Variants in PCDH15 observed in about 807,000 individuals in gnomAD.
PCDH15 encodes protocadherin-15.
In PCDH15, 129 loss-of-function variants were observed where a neutral mutation model predicts 178.5. That is an observed-to-expected ratio of 0.72 (90% CI 0.63 to 0.84). The LOEUF (loss-of-function observed/expected upper bound fraction) is 0.84, where lower values mean the gene tolerates loss of function less well. Among genes scored for constraint, PCDH15 ranks in the 40% least tolerant of loss-of-function variants. The pLI is 0.00. For synonymous variants in PCDH15, 800 were observed against 732.0 expected (o/e 1.09, Z -1.50); for missense variants, 2,230 against 2,099.9 (o/e 1.06, Z -1.21).
At chr10:54,779,467 T>TACAC (rs1950090885) in intron 1 of PCDH15, among the ~76,000 whole-genome samples, 1 of 101,564 alleles carries the variant, frequency 9.8e-6, no homozygotes, top group African/African-American at 3.8e-5. Context: ...TATGTGTGTA[T>TACAC]ATATATACAC....
chr10:55,568,331 C>T (rs534733242), intron 2 of PCDH15, among the ~76,000 whole-genome samples: 9 of 151,928 alleles, frequency 5.9e-5, no homozygotes, highest in East Asian at 5.8e-4. Flanking sequence ...CTCTATTATT[C>T]GACTTATATG....
rs1190357502 is a variant in PCDH15, at chr10:53,858,957, G to C, written c.3718-1694C>G. Among the ~76,000 whole-genome samples, 5 of 152,010 alleles carry C rather than the reference G, an allele frequency of 3.3e-5. No individual in the cohort carries two copies. The East Asian group carries it at 9.6e-4, about 29-fold the overall frequency. On this transcript the variant is annotated intron_variant, in intron 27 of 37. Transcript: ENST00000644397. ...AATTACATGATAAAAATTTCTAGAA[G>C]TATGTATATGAAACTTGCATAACTG... is the stretch of plus-strand genomic sequence containing the variant.
chr10:55,191,026 G>T (rs574298345), intron 1 of PCDH15, among the ~76,000 whole-genome samples: 3 of 151,478 alleles, frequency 2.0e-5, no homozygotes, highest in South Asian at 2.1e-4. Flanking sequence ...AAAATATTTG[G>T]GGTTTTTTAA....
Position 54,782,201 on chromosome 10 carries a change from G to C in PCDH15, c.-29+18724C>G, listed in dbSNP as rs11004574. On this transcript the variant is annotated intron_variant, in intron 1 of 37. Transcript: ENST00000644397. ...ATACAGTGAAAAGGTAAATTTTGAG[G>C]ATGCGATATGACTGCTTGATCTAGT... Among the ~76,000 whole-genome samples, 949 of 152,122 alleles carry C rather than the reference G, an allele frequency of 6.2e-3. 20 individuals carry two copies. The highest frequency in any genetic ancestry group is 0.056 in the East Asian group (286 of 5,138).
chr10:55,177,869 A>ATT (rs146520719), intron 1 of PCDH15, among the ~76,000 whole-genome samples: 2 of 151,910 alleles, frequency 1.3e-5, no homozygotes, highest in South Asian at 2.1e-4. Context: ...TTACAGACGG[A>ATT]TTTTTTTTAT....
At chr10:55,469,542 A>G (rs1839912363) in intron 2 of PCDH15, among the ~76,000 whole-genome samples, 1 of 151,978 alleles carries the variant, frequency 6.6e-6, no homozygotes, top group African/African-American at 2.4e-5. Flanking sequence ...TTATATTGCT[A>G]TTGAATATTA....
intron 1 of PCDH15, among the ~76,000 whole-genome samples, chr10:55,232,415 A>G (rs956645672): frequency 1.3e-5 from 2 of 152,134 alleles, no homozygotes; most frequent in African/African-American, 2.4e-5. Flanking sequence ...TATTGCATAC[A>G]GAATAATATA....
chr10:54,835,934 C>G (rs1162378748), intron 3 of PCDH15, among the ~76,000 whole-genome samples: 1 of 151,958 alleles, frequency 6.6e-6, no homozygotes, highest in East Asian at 1.9e-4. Context: ...AAATTAAATG[C>G]AAACATTCTC....
chr10:54,149,914 C>T (rs2044354746), intron 14 of PCDH15, among the ~76,000 whole-genome samples: 1 of 152,068 alleles, frequency 6.6e-6, no homozygotes, highest in Admixed American at 6.6e-5. Flanking sequence ...AGAGGAGTTG[C>T]TCCAGGTTAT....
At chr10:55,260,744 A>G (rs1172651060) in intron 1 of PCDH15, among the ~76,000 whole-genome samples, 1 of 152,346 alleles carries the variant, frequency 6.6e-6, no homozygotes, top group Non-Finnish European at 1.5e-5. Flanking sequence ...AAGTTAACCC[A>G]AGTTCATCCT....
intron 6 of PCDH15, among the ~76,000 whole-genome samples, chr10:54,338,868 T>TA (rs954729494): frequency 4.8e-5 from 7 of 146,366 alleles, no homozygotes; most frequent in Non-Finnish European, 7.5e-5. Context: ...GGCATTAAAA[T>TA]AAAAAAAAAG....
At chr10:55,270,212 G>C (rs1323540763) in intron 1 of PCDH15, among the ~76,000 whole-genome samples, 2 of 152,102 alleles carry the variant, frequency 1.3e-5, no homozygotes, top group Admixed American at 1.3e-4. Flanking sequence ...ATACCCTTCT[G>C]AACATTGGCT....
chr10:55,449,402 T>C (rs1184959017), intron 2 of PCDH15, among the ~76,000 whole-genome samples: 1 of 152,038 alleles, frequency 6.6e-6, no homozygotes, highest in Non-Finnish European at 1.5e-5. Flanking sequence ...AGGAGACTCA[T>C]GACAACAGGC....
At chr10:55,061,546 C>T (rs1841432512) in intron 2 of PCDH15, among the ~76,000 whole-genome samples, 1 of 152,166 alleles carries the variant, frequency 6.6e-6, no homozygotes, top group Non-Finnish European at 1.5e-5. Flanking sequence ...AATCACACTC[C>T]TTGGTATTTA....
At chr10:55,584,057 T>A (rs1383710963) in intron 2 of PCDH15, among the ~76,000 whole-genome samples, 1 of 151,920 alleles carries the variant, frequency 6.6e-6, no homozygotes, top group Non-Finnish European at 1.5e-5. Context: ...TTTTAAAAAA[T>A]ATATTTTGTA....
intron 3 of PCDH15, among the ~76,000 whole-genome samples, chr10:54,430,994 TA>T (rs1956899520): frequency 1.3e-5 from 2 of 151,822 alleles, no homozygotes. Flanking sequence ...TATATACCAA[TA>T]AAATGGAAAA....
intron 2 of PCDH15, among the ~76,000 whole-genome samples, chr10:54,614,856 A>G (rs2093079304): frequency 6.6e-6 from 1 of 151,982 alleles, no homozygotes; most frequent in African/African-American, 2.4e-5. Context: ...TATATTTTTA[A>G]TCTAGAGTTT....
intron 2 of PCDH15, among the ~76,000 whole-genome samples, chr10:55,025,299 G>A (rs1335997083): frequency 6.6e-6 from 1 of 152,112 alleles, no homozygotes; most frequent in East Asian, 1.9e-4. Flanking sequence ...TGGCTCATGA[G>A]ATTTCAGATG....
At chr10:55,538,668 T>A (rs1564442295) in intron 2 of PCDH15, among the ~76,000 whole-genome samples, 1 of 3,474 alleles carries the variant, frequency 2.9e-4, no homozygotes, top group Non-Finnish European at 5.2e-4. Flanking sequence ...TCCTTCCACA[T>A]TTCCTTGCTT....
Sources: gnomAD v4.1 joint callset for allele counts (sites outside exome capture counted in the v4.1 genomes callset) on GRCh38, gnomAD v4.1.1 for gene constraint, MANE v1.5 for transcripts, NCBI Gene and HGNC (gene_info 2026-07-23, HGNC 2026-07-21) for gene names.